Variants in SMYD1 observed in about 807,000 individuals in gnomAD.
SMYD1 encodes the protein histone-lysine N-methyltransferase SMYD1.
A neutral mutation model predicts 54.0 loss-of-function variants in SMYD1; 49 were observed. The ratio of observed to expected loss-of-function variants is 0.91; its 90% confidence interval spans 0.72 to 1.15. The LOEUF (loss-of-function observed/expected upper bound fraction) is 1.15. Among genes scored for constraint, SMYD1 ranks in the 50% most tolerant of loss-of-function variants. The pLI is 0.00. For synonymous variants in SMYD1, 269 were observed against 234.2 expected, an observed-to-expected ratio of 1.15 and a Z score of -1.36; for missense variants, 653 against 639.6, an observed-to-expected ratio of 1.02 and a Z score of -0.23.
chr2:88,087,858 A>AGT lies in SMYD1; in HGVS notation c.315-4_315-3insGT. 6.4e-7 allele frequency: 1 copy of AGT among 1,565,044 alleles called. No individual in the cohort carries two copies. The highest frequency in any genetic ancestry group is 1.2e-5 in the South Asian group (1 of 83,722). ...GTGGCCTCCTGACGCTGCCCTTCCC[A>AGT]CAGGCTGGCGGCGCGCATCATGTGG... is the stretch of plus-strand genomic sequence containing the variant. On this transcript the variant is annotated splice_region_variant and splice_polypyrimidine_tract_variant and intron_variant, in intron 2 of 9. Transcript: ENST00000419482.
rs1223710185 is a variant in SMYD1, at chr2:88,110,500, CAAG to C, written c.1465_1467del (p.Lys489del). ...ATGAGCCATCCCCAGCTCTGTTCCA[CAAG>C]AAGCAATGAGGACTGCCCAGTGGAG... On this transcript the variant is annotated inframe_deletion, in exon 10 of 10. Coordinates refer to ENST00000419482, the MANE Select transcript of SMYD1 (RefSeq NM_198274.4). 5.1e-6 allele frequency: 8 copies of C among 1,582,968 alleles called. No homozygotes were observed. The highest frequency in any genetic ancestry group is 1.8e-5 in the Admixed American group (1 of 55,286).
In SMYD1 at chr2:88,094,671, A is replaced by G. The variant is rs536213917; in HGVS notation, c.698+1116A>G. 2.6e-5 allele frequency among the ~76,000 whole-genome samples: 4 copies of G among 152,360 alleles called. No homozygotes were observed. The South Asian group carries it at 8.3e-4, about 32-fold the overall frequency. Reference sequence around the variant, plus strand: ...TTGGTTTTGAAAAATTTCTAATACCATTGAAATAATCAGACACCCTGAGAC... The same window carrying G: ...TTGGTTTTGAAAAATTTCTAATACCGTTGAAATAATCAGACACCCTGAGAC... On this transcript the variant is annotated intron_variant, in intron 5 of 9. Transcript: ENST00000419482.
At position 88,106,917 on chromosome 2, in the gene SMYD1, C is replaced by T. The variant is rs77188672; in HGVS notation, c.1145+429C>T. Among the ~76,000 whole-genome samples the T allele has an allele frequency of 9.0e-3, 1,369 of 152,092 alleles. 16 individuals carry two copies. Among genetic ancestry groups the T allele is most frequent in the Admixed American group, 0.021 (323 of 15,282 alleles). On this transcript the variant is annotated intron_variant, in intron 8 of 9. Coordinates refer to ENST00000419482, the MANE Select transcript of SMYD1 (RefSeq NM_198274.4). ...CACTTTGCTTAAAAATTGTAAAATT[C>T]TGGCCAGGCGCGGTGGCTCACGCCT... is the stretch of plus-strand genomic sequence containing the variant.
intron 1 of SMYD1, among the ~76,000 whole-genome samples, chr2:88,075,376 G>A (rs1397736441): frequency 1.1e-4 from 17 of 152,110 alleles, no homozygotes; most frequent in Non-Finnish European, 2.5e-4. Flanking sequence ...ATTGAGGGGG[G>A]TGCTTCAGCT....
chr2:88,108,229 C>A, intron 8 of SMYD1, 142 bp from the exon 9 acceptor site: 1 of 720,840 alleles, frequency 1.4e-6, no homozygotes. Context: ...CCTCAGTTCC[C>A]CCTTGGCGGC....
intron 1 of SMYD1, among the ~76,000 whole-genome samples, chr2:88,072,003 G>GA (rs36012666): frequency 1.9e-4 from 28 of 147,734 alleles, no homozygotes; most frequent in African/African-American, 3.5e-4. Context: ...TTAACATTTG[G>GA]AAAAAAAAAA....
At chr2:88,102,925 C>T (rs1173821722) in intron 6 of SMYD1, 133 bp from the exon 7 acceptor site, 2 of 649,586 alleles carry the variant, frequency 3.1e-6, no homozygotes, top group South Asian at 1.8e-5. Context: ...GTAGCATTTA[C>T]AGGAATGAGG....
intron 3 of SMYD1, among the ~76,000 whole-genome samples, chr2:88,089,248 T>C (rs1040155352): frequency 1.3e-5 from 2 of 152,242 alleles, no homozygotes; most frequent in Admixed American, 1.3e-4. Flanking sequence ...ACCCACATTC[T>C]AGCAGGCACT....
intron 2 of SMYD1, among the ~76,000 whole-genome samples, chr2:88,086,467 G>A (rs1431953871): frequency 6.6e-6 from 1 of 152,122 alleles, no homozygotes; most frequent in African/African-American, 2.4e-5. Flanking sequence ...GGGCTTCGGG[G>A]TGAAGTATAC....
intron 1 of SMYD1, among the ~76,000 whole-genome samples, chr2:88,080,430 C>G (rs980373370): frequency 6.6e-6 from 1 of 152,140 alleles, no homozygotes. Context: ...GGATATTGTA[C>G]TAGGCTATTC....
chr2:88,098,911 T>G (rs1040674310), intron 6 of SMYD1, among the ~76,000 whole-genome samples: 5 of 152,302 alleles, frequency 3.3e-5, no homozygotes, highest in African/African-American at 9.6e-5. Context: ...ATCAAAATCT[T>G]TCCTAGCTCC....
rs368545680 is a variant in SMYD1, at chr2:88,084,472, G to A, written c.294G>A (p.Lys98=). The A allele has an allele frequency of 5.7e-6, 9 of 1,589,838 alleles. No homozygotes were observed. The highest frequency in any genetic ancestry group is 2.7e-5 in the African/African-American group (2 of 74,622). ...NECSAIKRYG[K]VPNENIRLAA... ...GTTCGGCCATCAAGAGATATGGGAA[G>A]GTGCCCAATGAGAACATCAGGTGAG... Residue 98 remains lysine, a synonymous_variant, in exon 2 of 10, where the codon AAG becomes AAA. Transcript: ENST00000419482.
At chr2:88,091,689 AATAAATAAATAC>A (rs1189723410) in intron 4 of SMYD1, among the ~76,000 whole-genome samples, 5 of 152,166 alleles carry the variant, frequency 3.3e-5, no homozygotes, top group African/African-American at 1.2e-4. Context: ...ATCTATAAAA[AATAAATAAATAC>A]ATAAATAAAT....
At chr2:88,093,448 C>G in intron 4 of SMYD1, 69 bp from the exon 5 acceptor site, 1 of 1,566,016 alleles carries the variant, frequency 6.4e-7, no homozygotes, top group South Asian at 1.1e-5. Flanking sequence ...GCTGTACACC[C>G]TTGCACTGGA....
chr2:88,099,852 T>C (rs1674679827), intron 6 of SMYD1, among the ~76,000 whole-genome samples: 1 of 151,556 alleles, frequency 6.6e-6, no homozygotes, highest in South Asian at 2.1e-4. Context: ...TTCTCCCCTT[T>C]CCTCTGGCTC....
chr2:88,080,093 G>A (rs1182622700), intron 1 of SMYD1, among the ~76,000 whole-genome samples: 3 of 152,332 alleles, frequency 2.0e-5, no homozygotes. Flanking sequence ...TGTTCATTGT[G>A]AGGGTAAATT....
rs1675040998 is a variant in SMYD1 at position 88,112,205 on chromosome 2, CTT to C, written c.*1696_*1697del. 3 of 697,580 alleles carry C rather than the reference CTT, an allele frequency of 4.3e-6. No homozygotes were observed. The highest frequency in any genetic ancestry group is 7.9e-6 in the Non-Finnish European group (3 of 380,772). The allele number at this position is 697,580 out of a possible 1,614,324, so 43.2% of individuals were successfully genotyped here. A position where few individuals can be genotyped will look rare whatever the true frequency, so the allele number is the denominator to read the frequency against. Reference sequence around the variant, plus strand: ...TAACTGGCTAGTTCAAATTATCACTCTTTTACCTTCATATAAAATGTCTCCCC... The same window carrying C: ...TAACTGGCTAGTTCAAATTATCACTCTTACCTTCATATAAAATGTCTCCCC... On this transcript the variant is annotated 3_prime_UTR_variant, in exon 10 of 10. Coordinates refer to ENST00000419482, the MANE Select transcript of SMYD1 (RefSeq NM_198274.4).
At chr2:88,091,865 A>G (rs972542606) in intron 4 of SMYD1, among the ~76,000 whole-genome samples, 1 of 152,112 alleles carries the variant, frequency 6.6e-6, no homozygotes, top group Non-Finnish European at 1.5e-5. Flanking sequence ...CCTTGTCTCT[A>G]AAACCAAACC....
At chr2:88,081,473 G>A (rs1674190673) in intron 1 of SMYD1, among the ~76,000 whole-genome samples, 1 of 147,380 alleles carries the variant, frequency 6.8e-6, no homozygotes, top group Non-Finnish European at 1.5e-5. Context: ...GTCTTGATCT[G>A]TCACCCAGGC....
Sources: allele counts gnomAD v4.1 joint callset (sites outside exome capture counted in the v4.1 genomes callset), GRCh38; gene constraint gnomAD v4.1.1; transcripts MANE v1.5; gene names NCBI Gene and HGNC (gene_info 2026-07-23, HGNC 2026-07-21).